The following UXS1 variants were observed in gnomAD, a reference collection of about 807,000 sequenced individuals.
UXS1 encodes the protein UDP-glucuronate decarboxylase 1, also known as UDP-glucuronic acid decarboxylase 1.
Under a neutral mutation model 62.6 loss-of-function variants are expected in UXS1, and 33 were observed. That is an observed-to-expected ratio of 0.53 (90% CI 0.40 to 0.70). The LOEUF (loss-of-function observed/expected upper bound fraction) is 0.70, where lower values mean the gene tolerates loss of function less well. Ranked by LOEUF, UXS1 falls within the 30% of genes least tolerant of loss-of-function variation. The pLI is 0.00. For synonymous variants in UXS1, 213 were observed against 206.8 expected, an observed-to-expected ratio of 1.03 and a Z score of -0.26; for missense variants, 434 against 556.3, an observed-to-expected ratio of 0.78 and a Z score of 2.21.
intron 4 of UXS1, among the ~76,000 whole-genome samples, chr2:106,163,097 G>A (rs1466482633): frequency 6.6e-6 from 1 of 152,214 alleles, no homozygotes; most frequent in Non-Finnish European, 1.5e-5. Context: ...GGCCTCGGGA[G>A]TGCCTGAGAG....
intron 1 of UXS1, among the ~76,000 whole-genome samples, chr2:106,176,965 G>A (rs991665712): frequency 6.6e-6 from 1 of 152,222 alleles, no homozygotes; most frequent in Admixed American, 6.5e-5. Context: ...CTTCCCATAG[G>A]CTTACCCAAT....
chr2:106,178,641 T>G (rs1684051280), intron 1 of UXS1, among the ~76,000 whole-genome samples: 3 of 152,148 alleles, frequency 2.0e-5, no homozygotes, highest in African/African-American at 7.2e-5. Context: ...AGAGTGTGTG[T>G]GTGTATATAT....
intron 6 of UXS1, among the ~76,000 whole-genome samples, chr2:106,130,891 G>T (rs1024876193): frequency 6.6e-6 from 1 of 151,850 alleles, no homozygotes; most frequent in Non-Finnish European, 1.5e-5. Flanking sequence ...AGCCAAGTCT[G>T]GGGGGGAGGA....
intron 5 of UXS1, among the ~76,000 whole-genome samples, chr2:106,154,151 G>C (rs750002090): frequency 6.6e-6 from 1 of 152,116 alleles, no homozygotes; most frequent in Non-Finnish European, 1.5e-5. Flanking sequence ...TATATTCAAA[G>C]AAATAATGGC....
At position 106,112,778 on chromosome 2, in the gene UXS1, G is replaced by C. The variant is rs1398854558; in HGVS notation, c.760-13C>G. 6.2e-7 allele frequency: 1 copy of C among 1,612,232 alleles called. No homozygotes were observed. Among genetic ancestry groups the C allele is most frequent in the Non-Finnish European group, 8.5e-7 (1 of 1,179,282 alleles). On this transcript the variant is annotated splice_polypyrimidine_tract_variant and intron_variant, in intron 9 of 14. Coordinates refer to ENST00000283148, the MANE Select transcript of UXS1 (RefSeq NM_001253875.2). ...CTTCCACGCCTTCCTGGAACAGAGA[G>C]AAGAGGAGGTCAGGTGTGCTCCCCT...
chr2:106,185,710 C>G (rs1684510781), intron 1 of UXS1, among the ~76,000 whole-genome samples: 1 of 152,190 alleles, frequency 6.6e-6, no homozygotes, highest in African/African-American at 2.4e-5. Flanking sequence ...TTAAAGATCT[C>G]AAGACAAAAA....
At chr2:106,120,480 A>G (rs555393320) in intron 9 of UXS1, among the ~76,000 whole-genome samples, 1 of 152,160 alleles carries the variant, frequency 6.6e-6, no homozygotes, top group African/African-American at 2.4e-5. Flanking sequence ...GCCTCCCTCA[A>G]CGTGCCCCCA....
chr2:106,163,643 C>A, intron 4 of UXS1, 24 bp downstream of exon 4: 3 of 1,449,664 alleles, frequency 2.1e-6, no homozygotes, highest in Non-Finnish European at 2.8e-6. Flanking sequence ...TAACTATTGA[C>A]TTTAAGACAA....
chr2:106,152,368 C>T (rs1346792510), intron 5 of UXS1, among the ~76,000 whole-genome samples: 2 of 151,722 alleles, frequency 1.3e-5, no homozygotes, highest in Non-Finnish European at 2.9e-5. Flanking sequence ...AGGAGAATCG[C>T]TTGAAATCAG....
intron 1 of UXS1, among the ~76,000 whole-genome samples, chr2:106,175,815 G>A (rs1046399938): frequency 5.3e-5 from 8 of 152,262 alleles, no homozygotes; most frequent in African/African-American, 1.2e-4. Context: ...AGCCATCCCC[G>A]TCTCAAATTC....
At chr2:106,111,866 G>A (rs1678640134) in intron 10 of UXS1, among the ~76,000 whole-genome samples, 1 of 152,216 alleles carries the variant, frequency 6.6e-6, no homozygotes, top group African/African-American at 2.4e-5. Flanking sequence ...GCTGGAAAGT[G>A]CTCTAGGAGG....
intron 7 of UXS1, among the ~76,000 whole-genome samples, chr2:106,126,931 G>A (rs1171305337): frequency 6.6e-6 from 1 of 152,022 alleles, no homozygotes; most frequent in African/African-American, 2.4e-5. Flanking sequence ...GCTGACCCCT[G>A]GCAACCACTA....
chr2:106,170,391 T>C (rs1683479694), intron 1 of UXS1, among the ~76,000 whole-genome samples: 1 of 152,194 alleles, frequency 6.6e-6, no homozygotes, highest in African/African-American at 2.4e-5. Flanking sequence ...ACCTTACAGG[T>C]GGGTCTCACT....
intron 1 of UXS1, among the ~76,000 whole-genome samples, chr2:106,189,662 G>A (rs551092899): frequency 6.6e-6 from 1 of 152,286 alleles, no homozygotes; most frequent in East Asian, 1.9e-4. Context: ...TGTGTGGCGA[G>A]CACTGACAAC....
chr2:106,160,905 G>A (rs1392951416), intron 4 of UXS1, among the ~76,000 whole-genome samples: 1 of 152,174 alleles, frequency 6.6e-6, no homozygotes, highest in Non-Finnish European at 1.5e-5. Flanking sequence ...ATATGTATAC[G>A]CTCAAGTAAT....
At chr2:106,100,190 G>A (rs1379982234) in intron 12 of UXS1, among the ~76,000 whole-genome samples, 1 of 152,144 alleles carries the variant, frequency 6.6e-6, no homozygotes, top group East Asian at 1.9e-4. Context: ...AACAGAAGCA[G>A]AACATCTTGA....
At chr2:106,158,239 T>G (rs1276044090) in intron 4 of UXS1, 121 bp from the exon 5 acceptor site, 1 of 828,022 alleles carries the variant, frequency 1.2e-6, no homozygotes, top group Admixed American at 2.4e-5. Context: ...TTCTCTCCAC[T>G]CTTGAATGAG....
At chr2:106,112,511 A>T in intron 10 of UXS1, 135 bp downstream of exon 10, 2 of 1,369,284 alleles carry the variant, frequency 1.5e-6, no homozygotes, top group Non-Finnish European at 2.0e-6. Flanking sequence ...CCTTCCCCTT[A>T]GTGGAGGGTA....
chr2:106,121,861 C>G (rs1443634547), intron 9 of UXS1, among the ~76,000 whole-genome samples: 2 of 152,198 alleles, frequency 1.3e-5, no homozygotes, highest in African/African-American at 2.4e-5. Flanking sequence ...CCTCAGAGAG[C>G]CTACCTGGCT....
Sources: allele counts gnomAD v4.1 joint callset (sites outside exome capture counted in the v4.1 genomes callset), GRCh38; gene constraint gnomAD v4.1.1; transcripts MANE v1.5; gene names NCBI Gene and HGNC (gene_info 2026-07-23, HGNC 2026-07-21).